ITGA8: variants seen among roughly 807,000 people sequenced by gnomAD.
ITGA8 encodes the protein integrin alpha-8.
Under a neutral mutation model 142.3 loss-of-function variants are expected in ITGA8, and 91 were observed. The ratio of observed to expected loss-of-function variants is 0.64; its 90% CI spans 0.54 to 0.76. The LOEUF is 0.76. Among genes scored for constraint, ITGA8 ranks in the 30% least tolerant of loss-of-function variants. The pLI, the probability that ITGA8 is intolerant of heterozygous loss-of-function variation, is 0.00. For synonymous variants in ITGA8, 505 were observed against 485.2 expected (o/e 1.04, Z -0.54); for missense variants, 1,406 against 1,327.7 (o/e 1.06, Z -0.92).
chr10:15,583,227 A>G (rs1396568239), intron 23 of ITGA8, among the ~76,000 whole-genome samples: 1 of 152,198 alleles, frequency 6.6e-6, no homozygotes, highest in African/African-American at 2.4e-5. Flanking sequence ...CATGGATGAA[A>G]CTGGAAACCA....
In ITGA8 at chr10:15,644,087, A is replaced by T. The variant is rs1564388451; in HGVS notation, c.1342T>A (p.Ser448Thr). ...CCTCTTAAAGTAAAGCCAAATCCGG[A>T]AGGGACAGCATGTGAGGCCCACACT... ...QGVWASHAVPSGFGFTLRGDS... is the reference protein window; with the variant it reads ...QGVWASHAVPTGFGFTLRGDS... Residue 448 changes from serine (S) to threonine (T), a missense_variant, in exon 13 of 30, where the codon TCC becomes ACC. Physicochemically the swap from Ser to Thr is moderately conservative, Grantham distance 58. Transcript: ENST00000378076. 1.2e-6 allele frequency: 2 copies of T among 1,613,986 alleles called. No homozygotes were observed. Among genetic ancestry groups the T allele is most frequent in the East Asian group, 4.5e-5 (2 of 44,878 alleles).
At chr10:15,525,979 C>T (rs1379268557) in intron 28 of ITGA8, among the ~76,000 whole-genome samples, 1 of 152,088 alleles carries the variant, frequency 6.6e-6, no homozygotes, top group Non-Finnish European at 1.5e-5. Flanking sequence ...AGTAACACAA[C>T]CGTGTTTAAT....
At chr10:15,695,985 C>T (rs1012056257) in intron 2 of ITGA8, among the ~76,000 whole-genome samples, 4 of 152,220 alleles carry the variant, frequency 2.6e-5, no homozygotes, top group South Asian at 2.1e-4. Flanking sequence ...TCCTTGCCAA[C>T]GTCCATGAAA....
chr10:15,646,815 TA>T, intron 12 of ITGA8, 30 bp downstream of exon 12: 3 of 1,568,366 alleles, frequency 1.9e-6, no homozygotes, highest in Non-Finnish European at 2.6e-6. Flanking sequence ...TGACGACACA[TA>T]AATGACTTCC....
At chr10:15,651,950 T>A (rs1014562876) in intron 11 of ITGA8, among the ~76,000 whole-genome samples, 1 of 152,198 alleles carries the variant, frequency 6.6e-6, no homozygotes, top group Non-Finnish European at 1.5e-5. Context: ...ATACTGAGAA[T>A]CTGTGGGCAC....
intron 25 of ITGA8, among the ~76,000 whole-genome samples, chr10:15,561,209 C>CTATATATATATA (rs529527480): frequency 8.6e-5 from 10 of 116,954 alleles, no homozygotes; most frequent in East Asian, 2.5e-4. Flanking sequence ...TATCTGTTGG[C>CTATATATATATA]TATATATATA....
intron 13 of ITGA8, among the ~76,000 whole-genome samples, chr10:15,626,699 C>A (rs776486855): frequency 1.3e-5 from 2 of 152,016 alleles, no homozygotes; most frequent in Non-Finnish European, 2.9e-5. Flanking sequence ...TCTGGGTGGG[C>A]CCTAATCCAA....
At chr10:15,688,410 G>T (rs1347677263) in intron 2 of ITGA8, among the ~76,000 whole-genome samples, 1 of 151,922 alleles carries the variant, frequency 6.6e-6, no homozygotes, top group Non-Finnish European at 1.5e-5. Flanking sequence ...GGTGGAGGTT[G>T]CAGTGAACTG....
intron 11 of ITGA8, among the ~76,000 whole-genome samples, chr10:15,654,757 T>A (rs886747709): frequency 7.2e-5 from 11 of 152,222 alleles, no homozygotes; most frequent in Non-Finnish European, 1.3e-4. Flanking sequence ...TTGATACATC[T>A]CAATCTAATG....
intron 17 of ITGA8, 31 bp from the exon 18 acceptor site, chr10:15,606,453 G>T (rs1266239787): frequency 6.4e-7 from 1 of 1,570,406 alleles, no homozygotes; most frequent in Non-Finnish European, 8.7e-7. Flanking sequence ...CTCAACAGAG[G>T]CTCCATGAAA....
chr10:15,652,447 ATTT>A (rs58299147), intron 11 of ITGA8, among the ~76,000 whole-genome samples: 1 of 145,484 alleles, frequency 6.9e-6, no homozygotes. Context: ...CCACAGTGGG[ATTT>A]TTTTTTTTTT....
chr10:15,659,175 G>A (rs1834240650), intron 9 of ITGA8, 120 bp from the exon 10 acceptor site: 1 of 570,356 alleles, frequency 1.8e-6, no homozygotes. Flanking sequence ...TTAGCTAAAT[G>A]TAAAACAAAA....
intron 21 of ITGA8, 131 bp downstream of exon 21, chr10:15,597,076 G>A (rs1833022422): frequency 1.4e-6 from 1 of 704,562 alleles, no homozygotes. Flanking sequence ...CCACTACTCT[G>A]GCAATTTCCT....
chr10:15,585,855 C>A (rs571741488), intron 23 of ITGA8, among the ~76,000 whole-genome samples: 1 of 152,136 alleles, frequency 6.6e-6, no homozygotes, highest in South Asian at 2.1e-4. Flanking sequence ...CCAATCGACC[C>A]TTGCATCTGA....
chr10:15,641,725 G>A (rs148253153), intron 13 of ITGA8, among the ~76,000 whole-genome samples: 33 of 152,192 alleles, frequency 2.2e-4, no homozygotes, highest in African/African-American at 7.0e-4. Context: ...GAGACAAGAC[G>A]CACAGCACTG....
intron 12 of ITGA8, 33 bp from the exon 13 acceptor site, chr10:15,644,254 A>G (rs778533653): frequency 1.7e-5 from 26 of 1,574,510 alleles, no homozygotes; most frequent in Non-Finnish European, 2.2e-5. Context: ...TTTTATGTGT[A>G]TATGTATTTA....
At chr10:15,681,448 C>T (rs548292902) in intron 4 of ITGA8, among the ~76,000 whole-genome samples, 9 of 152,312 alleles carry the variant, frequency 5.9e-5, no homozygotes, top group Non-Finnish European at 1.0e-4. Flanking sequence ...TCAACATGTG[C>T]TCCATTCTGT....
At chr10:15,623,528 A>T (rs1363117622) in intron 13 of ITGA8, among the ~76,000 whole-genome samples, 1 of 152,098 alleles carries the variant, frequency 6.6e-6, no homozygotes, top group Non-Finnish European at 1.5e-5. Flanking sequence ...TCTACAAAAA[A>T]TACAAAAATT....
At chr10:15,529,041 CTCCT>C (rs1056842706) in intron 28 of ITGA8, among the ~76,000 whole-genome samples, 27 of 145,752 alleles carry the variant, frequency 1.9e-4, no homozygotes, top group African/African-American at 5.5e-4. Flanking sequence ...CCCTTCCTTT[CTCCT>C]TCCTTCCTTC....
Sources: gnomAD v4.1 joint callset for allele counts (sites outside exome capture counted in the v4.1 genomes callset) on GRCh38, gnomAD v4.1.1 for gene constraint, MANE v1.5 for transcripts, NCBI Gene and HGNC (gene_info 2026-07-23, HGNC 2026-07-21) for gene names.